Variants in YEATS4 observed in about 807,000 individuals in gnomAD.
YEATS4 encodes YEATS domain containing 4.
Under a neutral mutation model 30.1 loss-of-function variants are expected in YEATS4, and 17 were observed. The observed-to-expected ratio is 0.56, with a 90% CI of 0.39 to 0.85. YEATS4 has a LOEUF of 0.85. YEATS4 is among the 40% of genes least tolerant of loss of function. The pLI is 0.00. For synonymous variants in YEATS4, 85 were observed against 87.5 expected, an observed-to-expected ratio of 0.97 and a Z score of 0.16; for missense variants, 142 against 268.3, an observed-to-expected ratio of 0.53 and a Z score of 3.29.
chr12:69,375,439 G>T (rs1458275379), intron 6 of YEATS4, among the ~76,000 whole-genome samples: 1 of 150,570 alleles, frequency 6.6e-6, no homozygotes, highest in African/African-American at 2.5e-5. Context: ...GGGCAGAGGG[G>T]CTCCTCACAT....
the YEATS4 span, among the ~76,000 whole-genome samples, chr12:69,402,971 C>T: frequency 1.3e-5 from 2 of 152,150 alleles, no homozygotes; most frequent in African/African-American, 4.8e-5. Context: ...GATCTACCCA[C>T]CTCAGCCTCC....
At position 69,359,941 on chromosome 12, in the gene YEATS4, C is replaced by T. The variant is rs1271987874; in HGVS notation, c.-32C>T. 1.9e-6 allele frequency: 3 copies of T among 1,611,760 alleles called. No homozygotes were observed. Among genetic ancestry groups the T allele is most frequent in the East Asian group, 2.2e-5 (1 of 44,644 alleles). ...GACCCCGCCAGCCCCGGTCTCTTTCCCTGGCGGCGGCGGCTTCTTCCGTGG... is the reference window on the plus strand; with the variant it reads ...GACCCCGCCAGCCCCGGTCTCTTTCTCTGGCGGCGGCGGCTTCTTCCGTGG... On this transcript the variant is annotated 5_prime_UTR_variant, in exon 1 of 7. Transcript: ENST00000247843.
the YEATS4 span, among the ~76,000 whole-genome samples, chr12:69,396,715 AC>A: frequency 0.35 from 53,084 of 151,864 alleles, 10,787 homozygotes; most frequent in Non-Finnish European, 0.46. Flanking sequence ...GAAACCATGA[AC>A]CTATTTACTC....
the YEATS4 span, among the ~76,000 whole-genome samples, chr12:69,409,765 A>G: frequency 2.0e-5 from 3 of 152,202 alleles, no homozygotes; most frequent in African/African-American, 7.2e-5. Flanking sequence ...GTTTGGACAT[A>G]ACATCTAAAC....
chr12:69,415,822 A>C, the YEATS4 span, among the ~76,000 whole-genome samples: 1 of 152,192 alleles, frequency 6.6e-6, no homozygotes, highest in Non-Finnish European at 1.5e-5. Context: ...GGCAGTGGGC[A>C]AGAAGAACAG....
downstream of YEATS4, among the ~76,000 whole-genome samples, chr12:69,394,752 A>G (rs1487385169): frequency 6.6e-6 from 1 of 152,028 alleles, no homozygotes; most frequent in African/African-American, 2.4e-5. Flanking sequence ...GGCCTTCACC[A>G]CCATGCCCAG....
intron 4 of YEATS4, among the ~76,000 whole-genome samples, chr12:69,366,651 A>G (rs1366060368): frequency 2.6e-5 from 4 of 152,018 alleles, no homozygotes; most frequent in Admixed American, 6.6e-5. Flanking sequence ...CACATTCCAC[A>G]TATGTGGCTG....
At chr12:69,400,479 A>G in the YEATS4 span, among the ~76,000 whole-genome samples, 4 of 152,158 alleles carry the variant, frequency 2.6e-5, no homozygotes, top group Non-Finnish European at 5.9e-5. Flanking sequence ...AAAAAATTCA[A>G]TAGAAAAATG....
the YEATS4 span, among the ~76,000 whole-genome samples, chr12:69,397,738 A>G: frequency 6.6e-6 from 1 of 152,188 alleles, no homozygotes; most frequent in Non-Finnish European, 1.5e-5. Context: ...AGAGGAGACT[A>G]AGACACAGAC....
chr12:69,398,730 G>A, the YEATS4 span, among the ~76,000 whole-genome samples: 13 of 151,444 alleles, frequency 8.6e-5, no homozygotes, highest in South Asian at 2.1e-4. Context: ...TGGGAGGATC[G>A]CTTGAGCCCA....
the YEATS4 span, among the ~76,000 whole-genome samples, chr12:69,421,769 C>A: frequency 6.6e-6 from 1 of 152,120 alleles, no homozygotes; most frequent in Non-Finnish European, 1.5e-5. Context: ...TAGTGGCTAG[C>A]GGCTGTACCC....
chr12:69,422,689 A>T, the YEATS4 span: 1 of 149,444 alleles, frequency 6.7e-6, no homozygotes, highest in African/African-American at 2.4e-5. Flanking sequence ...TGATTGTGCC[A>T]AAAAGGGCCA....
chr12:69,410,000 T>C, the YEATS4 span, among the ~76,000 whole-genome samples: 19,044 of 152,168 alleles, frequency 0.13, 1,521 homozygotes, highest in East Asian at 0.38. Context: ...ACCAACTCTG[T>C]AGATCAACCA....
At chr12:69,419,410 C>T in the YEATS4 span, among the ~76,000 whole-genome samples, 7 of 151,808 alleles carry the variant, frequency 4.6e-5, no homozygotes, top group South Asian at 2.1e-4. Context: ...TTTGTAGAAA[C>T]GGGGTCTTGT....
intron 6 of YEATS4, among the ~76,000 whole-genome samples, chr12:69,371,557 C>T (rs1400011046): frequency 6.6e-6 from 1 of 152,202 alleles, no homozygotes; most frequent in Non-Finnish European, 1.5e-5. Flanking sequence ...ATCTATTTGA[C>T]ATCCCTGTGT....
Position 69,362,878 on chromosome 12 carries a change from A to G in YEATS4, c.142A>G (p.Thr48Ala). 6.2e-7 allele frequency: 1 copy of G among 1,611,138 alleles called. No homozygotes were observed. Among genetic ancestry groups the G allele is most frequent in the Non-Finnish European group, 8.5e-7 (1 of 1,178,300 alleles). Residue 48 changes from threonine to alanine, a missense_variant, in exon 2 of 7, where the codon ACA becomes GCA. By Grantham distance (58) the Thr-to-Ala change is moderately conservative (BLOSUM62 0). Coordinates refer to ENST00000247843, the MANE Select transcript of YEATS4 (RefSeq NM_006530.4). ...REEDGHTHQW[T>A]VYVKPYRNED... is the part of the protein sequence containing the mutation. ...AGAAGATGGGCACACTCATCAGTGG[A>G]CAGTATATGTGAAACCATATAGAAA...
the YEATS4 span, among the ~76,000 whole-genome samples, chr12:69,419,729 CA>C: frequency 6.6e-6 from 1 of 152,128 alleles, no homozygotes; most frequent in Admixed American, 6.5e-5. Context: ...TCCCTACTCT[CA>C]AAGAGCATAC....
At chr12:69,375,059 T>C (rs1285174203) in intron 6 of YEATS4, among the ~76,000 whole-genome samples, 1 of 147,842 alleles carries the variant, frequency 6.8e-6, no homozygotes, top group Non-Finnish European at 1.5e-5. Flanking sequence ...GCCCCCCACC[T>C]CCCGGAGGGG....
the YEATS4 span, among the ~76,000 whole-genome samples, chr12:69,419,241 G>C: frequency 1.1e-4 from 13 of 119,578 alleles, no homozygotes; most frequent in African/African-American, 3.9e-4. Context: ...TTTTTTTAGA[G>C]ACATGGTCTC....
Sources: gnomAD v4.1 joint callset for allele counts (sites outside exome capture counted in the v4.1 genomes callset) on GRCh38, gnomAD v4.1.1 for gene constraint, MANE v1.5 for transcripts, NCBI Gene and HGNC (gene_info 2026-07-23, HGNC 2026-07-21) for gene names.